MGST1: variants seen among roughly 807,000 people sequenced by gnomAD.
MGST1 encodes the protein glutathione S-transferase 12.
A neutral mutation model predicts 8.9 loss-of-function variants in MGST1; 5 were observed. That is an observed-to-expected ratio of 0.56 (90% CI 0.29 to 1.19). MGST1 has a LOEUF of 1.19. Among genes scored for constraint, MGST1 ranks in the 50% most tolerant of loss-of-function variants. MGST1 has a pLI of 0.08. For synonymous variants in MGST1, 54 were observed against 67.8 expected (o/e 0.80, Z 1.00); for missense variants, 182 against 187.4 (o/e 0.97, Z 0.17).
At chr12:16,565,580 A>T (rs1221956672) in intron 4 of MGST1, among the ~76,000 whole-genome samples, 1 of 152,224 alleles carries the variant, frequency 6.6e-6, no homozygotes, top group African/African-American at 2.4e-5. Context: ...TGAACATTTT[A>T]GAATGTACAT....
chr12:16,468,503 C>T (rs1591738187), intron 4 of MGST1, among the ~76,000 whole-genome samples: 1 of 152,286 alleles, frequency 6.6e-6, no homozygotes, highest in East Asian at 1.9e-4. Flanking sequence ...TACACATCTT[C>T]TACATCACTC....
At position 16,357,698 on chromosome 12, in the gene MGST1, A is replaced by G. The variant is rs1429286975; in HGVS notation, c.220A>G (p.Arg74Gly). ...AGATGACAGAGTAGAACGTGTACGC[A>G]GGTAAACCAGTGTCTCTTGAAATTA... ...RTDDRVERVRRAHLNDLENII... is the reference protein window; with the variant it reads ...RTDDRVERVRGAHLNDLENII... The change falls in exon 3 of 4, where the codon AGA (arginine) becomes GGA (glycine). Residue 74 changes from arginine (R) to glycine (G), a missense_variant and splice_region_variant. By Grantham distance (125) the Arg-to-Gly change is moderately radical (BLOSUM62 -2). Transcript: ENST00000396210. 1 of 1,607,966 alleles carries G rather than the reference A, an allele frequency of 6.2e-7. No homozygotes were observed. The highest frequency in any genetic ancestry group is 1.7e-5 in the Admixed American group (1 of 58,706).
intron 4 of MGST1, among the ~76,000 whole-genome samples, chr12:16,561,749 G>A (rs576501196): frequency 6.6e-6 from 1 of 152,288 alleles, no homozygotes; most frequent in East Asian, 1.9e-4. Flanking sequence ...ACAGTTGTTG[G>A]AAACAGTTGT....
intron 4 of MGST1, among the ~76,000 whole-genome samples, chr12:16,467,874 G>A (rs1337496854): frequency 6.6e-6 from 1 of 152,116 alleles, no homozygotes. Context: ...TACTTAAGTA[G>A]TCTTAGAGAA....
intron 4 of MGST1, among the ~76,000 whole-genome samples, chr12:16,573,199 T>C (rs1942879869): frequency 6.6e-6 from 1 of 152,136 alleles, no homozygotes; most frequent in African/African-American, 2.4e-5. Context: ...AAAAACCTCA[T>C]ATTAACATAT....
At chr12:16,492,659 T>C (rs769259776) in intron 4 of MGST1, among the ~76,000 whole-genome samples, 3 of 152,198 alleles carry the variant, frequency 2.0e-5, no homozygotes, top group Non-Finnish European at 4.4e-5. Context: ...CTGCTATCTG[T>C]TCAAAATCAG....
downstream of MGST1, among the ~76,000 whole-genome samples, chr12:16,365,383 C>A (rs1940166981): frequency 6.6e-6 from 1 of 152,002 alleles, no homozygotes; most frequent in Non-Finnish European, 1.5e-5. Context: ...ATTTTCATAT[C>A]TTTTGATGCA....
At chr12:16,570,212 T>A (rs909031580) in intron 4 of MGST1, among the ~76,000 whole-genome samples, 4 of 152,170 alleles carry the variant, frequency 2.6e-5, no homozygotes, top group African/African-American at 9.6e-5. Flanking sequence ...AATAGGGTTT[T>A]CTAGGTGAAA....
In MGST1 at chr12:16,458,708, C is replaced by A. The variant is rs1941197245; in HGVS notation, n.482+75104C>A. Among the ~76,000 whole-genome samples the A allele has an allele frequency of 6.6e-6, 1 of 151,972 alleles. No individual in the cohort carries two copies. Among genetic ancestry groups the A allele is most frequent in the Non-Finnish European group, 1.5e-5 (1 of 67,966 alleles). Reference sequence around the variant, plus strand: ...ATATGAGAGTTATTGTGACTCATATCATCATTTTACTGTAAACAGAGGTTT... The same window carrying A: ...ATATGAGAGTTATTGTGACTCATATAATCATTTTACTGTAAACAGAGGTTT... On this transcript the variant is annotated intron_variant and non_coding_transcript_variant, in intron 4 of 4. Coordinates refer to the MGST1 transcript ENST00000538857. This position sits in a 1 kb window ranked among gnomAD's most constrained non-coding sequence, Gnocchi z 4.0.
chr12:16,394,513 CCTTTCTTTCTTTCTTTCTTTCTTTCTTT>C lies in MGST1; in HGVS notation n.778+10945_778+10972del, dbSNP rs766001588. ...TTCTTTCTTTCTCTCTCTTTCTCTCCCTTTCTTTCTTTCTTTCTTTCTTTCTTTCTTTCTTTCTTTCTTTCTTTCTTTC... is the reference window on the plus strand; with the variant it reads ...TTCTTTCTTTCTCTCTCTTTCTCTCCCTTTCTTTCTTTCTTTCTTTCTTTC... On this transcript the variant is annotated intron_variant and non_coding_transcript_variant, in intron 1 of 1. Transcript: ENST00000359720. Among the ~76,000 whole-genome samples the C allele has an allele frequency of 1.0e-3, 88 of 84,474 alleles. 3 individuals are homozygous for C. The highest frequency in any genetic ancestry group is 4.1e-3 in the East Asian group (3 of 738). 55.4% of individuals were successfully genotyped at this position (84,474 alleles called of 152,430 possible).
At chr12:16,365,182 C>T (rs187881467), downstream of MGST1, among the ~76,000 whole-genome samples, 7 of 152,074 alleles carry the variant, frequency 4.6e-5, no homozygotes, top group African/African-American at 1.4e-4. Context: ...ATCCTGTCTC[C>T]CCACAAACTT....
chr12:16,430,132 C>A (rs1940925687), intron 1 of MGST1, among the ~76,000 whole-genome samples: 2 of 152,204 alleles, frequency 1.3e-5, no homozygotes, highest in East Asian at 1.9e-4. Flanking sequence ...TAAGAAGCAA[C>A]TTCTCATCTA....
intron 1 of MGST1, among the ~76,000 whole-genome samples, chr12:16,352,922 A>G (rs1393638149): frequency 1.3e-5 from 2 of 152,090 alleles, no homozygotes; most frequent in Non-Finnish European, 2.9e-5. Context: ...CATGATGACA[A>G]TTGTGATAAG....
chr12:16,407,664 A>G (rs1940706770), intron 1 of MGST1, among the ~76,000 whole-genome samples: 1 of 152,142 alleles, frequency 6.6e-6, no homozygotes, highest in Non-Finnish European at 1.5e-5. Context: ...GAATCTACCT[A>G]AGTGCCCATC....
chr12:16,400,782 G>A (rs1940648289), intron 1 of MGST1: 1 of 1,246,786 alleles, frequency 8.0e-7, no homozygotes, highest in Non-Finnish European at 1.2e-6. Context: ...ATGTGAAAAG[G>A]TGTTGCAATG....
intron 4 of MGST1, among the ~76,000 whole-genome samples, chr12:16,489,167 A>AATGAG (rs1941420715): frequency 6.6e-6 from 1 of 152,148 alleles, no homozygotes; most frequent in Non-Finnish European, 1.5e-5. Flanking sequence ...TGAACAAATA[A>AATGAG]ATGAGTCATT....
At chr12:16,529,688 G>A (rs1941710459) in intron 4 of MGST1, among the ~76,000 whole-genome samples, 1 of 152,028 alleles carries the variant, frequency 6.6e-6, no homozygotes, top group Non-Finnish European at 1.5e-5. Context: ...ATGAAAAAGT[G>A]AGAGTTGGGC....
In MGST1 at chr12:16,400,938, G is replaced by A. The variant is rs1565447565; in HGVS notation, n.778+17334G>A. On this transcript the variant is annotated intron_variant and non_coding_transcript_variant, in intron 1 of 1. Coordinates refer to the MGST1 transcript ENST00000359720. The stretch of plus-strand genomic sequence containing the variant: ...TTCTGAATCTCCTGTTCTCCCTTTT[G>A]TTCAGTCAGTCACCTCTTTGCTTCT... 2.3e-6 allele frequency: 3 copies of A among 1,317,224 alleles called. No homozygotes were observed. The African/African-American group carries it at 4.4e-5, about 19-fold the overall frequency. The allele number at this position is 1,317,224 out of a possible 1,614,324, so 81.6% of individuals were successfully genotyped here.
intron 4 of MGST1, among the ~76,000 whole-genome samples, chr12:16,564,454 G>A (rs1404166904): frequency 1.3e-5 from 2 of 152,168 alleles, no homozygotes; most frequent in Admixed American, 6.5e-5. Flanking sequence ...ACGTTCCTGC[G>A]GACTGGGGGT....
Sources: gnomAD v4.1 joint callset for allele counts (sites outside exome capture counted in the v4.1 genomes callset) on GRCh38, gnomAD v4.1.1 for gene constraint, Gnocchi (gnomAD v3.1) non-coding constraint, MANE v1.5 for transcripts, NCBI Gene and HGNC (gene_info 2026-07-23, HGNC 2026-07-21) for gene names.